ACADS: variants seen among roughly 807,000 people sequenced by gnomAD.
ACADS encodes short-chain specific acyl-CoA dehydrogenase, mitochondrial.
A neutral mutation model predicts 46.8 loss-of-function variants in ACADS; 28 were observed. That is an observed-to-expected ratio of 0.60 (90% confidence interval 0.44 to 0.82). ACADS has a LOEUF of 0.82. Ranked by LOEUF, ACADS falls within the 40% of genes least tolerant of loss-of-function variation. The probability of loss-of-function intolerance (pLI) is 0.00; values close to 1 mark genes in which losing one functional copy is unlikely to be tolerated. For synonymous variants in ACADS, 236 were observed against 237.7 expected, an observed-to-expected ratio of 0.99 and a Z score of 0.07; for missense variants, 528 against 578.0, an observed-to-expected ratio of 0.91 and a Z score of 0.89.
rs532369344 is a variant in ACADS, at chr12:120,733,352, C to T, written c.211-3634C>T. On this transcript the variant is annotated intron_variant, in intron 2 of 9. Coordinates refer to ENST00000242592, the MANE Select transcript of ACADS (RefSeq NM_000017.4). ...CTGACCTCAGGTGATCCACCTGCCT[C>T]AGCTACCAAAGTGCTGGGAATACAA... 2.8e-4 allele frequency among the ~76,000 whole-genome samples: 43 copies of T among 152,008 alleles called. No individual in the cohort carries two copies. The South Asian group carries it at 8.7e-3, about 31-fold the overall frequency.
chr12:120,725,845 G>T lies in ACADS; in HGVS notation c.-41G>T. ...CCCAGCACTCCGGAACAGCGCGCTC[G>T]CAGCGGGAGGTCGCGAAGCCTGGGA... On this transcript the variant is annotated 5_prime_UTR_variant, in exon 1 of 10. Coordinates refer to ENST00000242592, the MANE Select transcript of ACADS (RefSeq NM_000017.4). The T allele has an allele frequency of 2.0e-6, 3 of 1,527,368 alleles. No individual in the cohort carries two copies. The highest frequency in any genetic ancestry group is 1.2e-5 in the South Asian group (1 of 83,276). The allele number at this position is 1,527,368 out of a possible 1,614,324, so 94.6% of individuals were successfully genotyped here. A position where few individuals can be genotyped will look rare whatever the true frequency, so the allele number is the denominator to read the frequency against.
At chr12:120,726,018 C>T in intron 1 of ACADS, 87 bp downstream of exon 1, 5 of 1,350,930 alleles carry the variant, frequency 3.7e-6, no homozygotes, top group African/African-American at 1.6e-5. Context: ...TCTGTCAGAG[C>T]CGCTGGCAGG....
At chr12:120,736,280 C>T (rs1367708179) in intron 2 of ACADS, among the ~76,000 whole-genome samples, 1 of 152,110 alleles carries the variant, frequency 6.6e-6, no homozygotes, top group Non-Finnish European at 1.5e-5. Context: ...TGCTCCTGGC[C>T]CACTCTTAAT....
At position 120,738,369 on chromosome 12, in the gene ACADS, G is replaced by A. The variant is rs771881207; in HGVS notation, c.714G>A (p.Thr238=). The change falls in exon 6 of 10, where the codon ACG becomes ACA. Residue 238 remains threonine (T), a synonymous_variant. Coordinates refer to ENST00000242592, the MANE Select transcript of ACADS (RefSeq NM_000017.4). ...AGCTGGGCATCCGGGGCTCATCCAC[G>A]GCCAACCTCATCTTTGAGGACTGTC... ...EDKLGIRGSS[T]ANLIFEDCRI... The A allele has an allele frequency of 6.8e-6, 11 of 1,614,092 alleles. No individual in the cohort carries two copies. The highest frequency in any genetic ancestry group is 9.3e-6 in the Non-Finnish European group (11 of 1,180,040).
At chr12:120,731,618 C>G (rs896336905) in intron 2 of ACADS, among the ~76,000 whole-genome samples, 1 of 151,160 alleles carries the variant, frequency 6.6e-6, no homozygotes, top group African/African-American at 2.4e-5. Context: ...TCACGCCTGG[C>G]TAATTCTTGT....
At position 120,739,768 on chromosome 12, in the gene ACADS, T is replaced by G; in HGVS notation, c.*320T>G. 2.5e-6 allele frequency: 1 copy of G among 406,256 alleles called. No homozygotes were observed. Among genetic ancestry groups the G allele is most frequent in the Non-Finnish European group, 4.6e-6 (1 of 218,210 alleles). 25.2% of individuals were successfully genotyped at this position (406,256 alleles called of 1,614,324 possible). A position where few individuals can be genotyped will look rare whatever the true frequency, so the allele number is the denominator to read the frequency against. On this transcript the variant is annotated 3_prime_UTR_variant, in exon 10 of 10. Coordinates refer to ENST00000242592, the MANE Select transcript of ACADS (RefSeq NM_000017.4). ...TGTCCTCCCGCGGGCCCTGGTGCCC[T>G]GGCATGAAGGCCCAGTGCGACAGGC... is the stretch of plus-strand genomic sequence containing the variant.
intron 2 of ACADS, among the ~76,000 whole-genome samples, chr12:120,736,527 C>G (rs139476971): frequency 1.3e-5 from 2 of 152,284 alleles, no homozygotes; most frequent in Admixed American, 1.3e-4. Flanking sequence ...CCCAAAGCAG[C>G]GAGGCCTGAG....
At chr12:120,732,361 C>T (rs1482133059) in intron 2 of ACADS, among the ~76,000 whole-genome samples, 6 of 151,994 alleles carry the variant, frequency 3.9e-5, no homozygotes, top group East Asian at 1.9e-4. Flanking sequence ...GGGTGGCTGC[C>T]GGGCGGAGAC....
intron 2 of ACADS, among the ~76,000 whole-genome samples, chr12:120,734,600 C>G (rs1017018940): frequency 7.2e-5 from 11 of 152,078 alleles, no homozygotes; most frequent in African/African-American, 2.7e-4. Context: ...CCCCTCTTTT[C>G]CATACGTTAT....
At chr12:120,737,228 C>A in intron 3 of ACADS, 93 bp downstream of exon 3, 2 of 1,535,478 alleles carry the variant, frequency 1.3e-6, no homozygotes, top group Non-Finnish European at 1.8e-6. Context: ...CCTGATCTCT[C>A]TGGAGACGTC....
chr12:120,731,308 G>A (rs1002073893), intron 2 of ACADS, among the ~76,000 whole-genome samples: 1 of 151,780 alleles, frequency 6.6e-6, no homozygotes, highest in Admixed American at 6.6e-5. Flanking sequence ...AGAAACAGGG[G>A]TATCATCATG....
At chr12:120,730,887 A>T (rs1386057325) in intron 2 of ACADS, among the ~76,000 whole-genome samples, 1 of 152,140 alleles carries the variant, frequency 6.6e-6, no homozygotes, top group African/African-American at 2.4e-5. Context: ...CTAGAGAAAA[A>T]GGCTTTTGGT....
chr12:120,737,790 G>A, intron 4 of ACADS, 47 bp from the exon 5 acceptor site: 1 of 1,612,220 alleles, frequency 6.2e-7, no homozygotes, highest in Non-Finnish European at 8.5e-7. Flanking sequence ...GTGCCCTTAG[G>A]TTGTGTGGGG....
At chr12:120,736,457 C>T (rs569062894) in intron 2 of ACADS, among the ~76,000 whole-genome samples, 7 of 152,298 alleles carry the variant, frequency 4.6e-5, no homozygotes, top group African/African-American at 1.2e-4. Context: ...AAATTCCAGC[C>T]GCAGAAGTGC....
intron 5 of ACADS, 46 bp from the exon 6 acceptor site, chr12:120,738,234 G>A (rs769675584): frequency 3.1e-6 from 5 of 1,613,612 alleles, no homozygotes; most frequent in Middle Eastern, 1.7e-4. Context: ...GTGTGAGGGT[G>A]TGGCTGAGGG....
chr12:120,738,643 G>GC lies in ACADS; in HGVS notation c.910dup (p.Leu304ProfsTer34), dbSNP rs1057516606. 6.2e-7 allele frequency: 1 copy of GC among 1,612,518 alleles called. No individual in the cohort carries two copies. Among genetic ancestry groups the GC allele is most frequent in the Non-Finnish European group, 8.5e-7 (1 of 1,180,042 alleles). ...CTGAGAATCGCATGGCCTTCGGGGC[G>GC]CCCCTCACCAAGCTCCAGGTCATCC... On this transcript the variant is annotated frameshift_variant, in exon 7 of 10. Coordinates refer to ENST00000242592, the MANE Select transcript of ACADS (RefSeq NM_000017.4). LOFTEE classifies it high-confidence loss of function.
At position 120,727,285 on chromosome 12, in the gene ACADS, G is replaced by T. The variant is rs1005241211; in HGVS notation, c.210+96G>T. The T allele has an allele frequency of 2.6e-6, 4 of 1,528,314 alleles. No individual in the cohort carries two copies. In the African/African-American group the frequency reaches 5.5e-5, roughly 21 times the overall value. The allele number at this position is 1,528,314 out of a possible 1,614,324, so 94.7% of individuals were successfully genotyped here. On this transcript the variant is annotated intron_variant, in intron 2 of 9. Coordinates refer to ENST00000242592, the MANE Select transcript of ACADS (RefSeq NM_000017.4). ...AGTCAGCGGCACTCGGACTCTGGTA[G>T]AGGAACCCCAAAGCAGGGCCTGGAA...
rs369416846 is a variant in ACADS at position 120,739,440 on chromosome 12, C to G, written c.1231C>G (p.Arg411Gly). 1 of 1,609,356 alleles carries G rather than the reference C, an allele frequency of 6.2e-7. No individual in the cohort carries two copies. The highest frequency in any genetic ancestry group is 1.3e-5 in the African/African-American group (1 of 74,868). The change falls in exon 10 of 10, where the codon CGG becomes GGG. Residue 411 changes from arginine to glycine, a missense_variant. By Grantham distance (125) the Arg-to-Gly change is moderately radical (BLOSUM62 -2). Transcript: ENST00000242592. ...VIAGHLLRSY[R>G]S is the part of the protein sequence containing the mutation. ...CGCCGGGCATCTGCTCAGGAGCTAC[C>G]GGAGCTGAGCCCGCGGCGGACTGCC...
rs557202530 is a variant in ACADS, at chr12:120,735,255, A to G, written c.211-1731A>G. On this transcript the variant is annotated intron_variant, in intron 2 of 9. Transcript: ENST00000242592. ...CCACTGCACTCCAGCCTGGGCAACA[A>G]AGTGAGACTCTGTTTCAAAAAAAAA... 4.8e-4 allele frequency among the ~76,000 whole-genome samples: 69 copies of G among 143,456 alleles called. 1 individual carries two copies. In the South Asian group the frequency reaches 8.4e-3, roughly 17 times the overall value. 94.1% of individuals were successfully genotyped at this position (143,456 alleles called of 152,430 possible).
Sources: gnomAD v4.1 joint callset for allele counts (sites outside exome capture counted in the v4.1 genomes callset) on GRCh38, gnomAD v4.1.1 for gene constraint, MANE v1.5 for transcripts, NCBI Gene and HGNC (gene_info 2026-07-23, HGNC 2026-07-21) for gene names.